IFNG: variants seen among roughly 807,000 people sequenced by gnomAD.
The protein encoded by IFNG is IFN-gamma.
In IFNG, 8 loss-of-function variants were observed where a neutral mutation model predicts 14.4. That is an observed-to-expected ratio of 0.56 (90% CI 0.33 to 1.00). IFNG has a LOEUF of 1.00. IFNG is among the 50% of genes least tolerant of loss of function. IFNG has a pLI of 0.03. For missense variants in IFNG, 132 were observed against 194.9 expected (o/e 0.68, Z 1.92); for synonymous variants, 73 against 65.4 (o/e 1.12, Z -0.56).
chr12:68,155,247 A>G lies in IFNG; in HGVS notation c.*106T>C. ...TTACACAAAAGTTGCTATTATAAAT[A>G]CTTATTTGATTGATGAGTCTAAAAA... On this transcript the variant is annotated 3_prime_UTR_variant, in exon 4 of 4. Coordinates refer to ENST00000229135, the MANE Select transcript of IFNG (RefSeq NM_000619.3). 2 of 711,292 alleles carry G rather than the reference A, an allele frequency of 2.8e-6. No individual in the cohort carries two copies. Among genetic ancestry groups the G allele is most frequent in the Non-Finnish European group, 4.2e-6 (2 of 471,718 alleles). 44.1% of individuals were successfully genotyped at this position (711,292 alleles called of 1,614,324 possible).
rs1389985864 is a variant in IFNG, at chr12:68,154,861, C to T, written c.*492G>A. ...ATTTGGGTACAGTCACAGTTGTCAA[C>T]AATATTTGGAAGCACCAGGCATGAA... is the stretch of plus-strand genomic sequence containing the variant. On this transcript the variant is annotated 3_prime_UTR_variant, in exon 4 of 4. Coordinates refer to ENST00000229135, the MANE Select transcript of IFNG (RefSeq NM_000619.3). The T allele has an allele frequency of 6.5e-6, 1 of 152,778 alleles. No individual in the cohort carries two copies. Among genetic ancestry groups the T allele is most frequent in the East Asian group, 1.9e-4 (1 of 5,338 alleles). The allele number at this position is 152,778 out of a possible 1,614,324, so 9.5% of individuals were successfully genotyped here.
intron 3 of IFNG, among the ~76,000 whole-genome samples, chr12:68,157,288 A>G (rs1443235731): frequency 6.6e-6 from 1 of 152,234 alleles, no homozygotes; most frequent in Non-Finnish European, 1.5e-5. Flanking sequence ...TAGGTTGGCT[A>G]GAGACTTGCA....
intron 3 of IFNG, among the ~76,000 whole-genome samples, chr12:68,156,054 T>C (rs1882596027): frequency 6.6e-6 from 1 of 152,202 alleles, no homozygotes; most frequent in Admixed American, 6.5e-5. Context: ...CTGTGCCCTG[T>C]GCATTCACTA....
At position 68,155,376 on chromosome 12, in the gene IFNG, G is replaced by A. The variant is rs762741705; in HGVS notation, c.478C>T (p.Arg160Ter). The A allele has an allele frequency of 3.3e-5, 53 of 1,609,462 alleles. No homozygotes were observed. Among genetic ancestry groups the A allele is most frequent in the East Asian group, 6.7e-5 (3 of 44,608 alleles). Residue 160 changes from arginine (R) to a stop codon, truncating the protein, a stop_gained, in exon 4 of 4, where the codon CGA becomes TGA. Coordinates refer to ENST00000229135, the MANE Select transcript of IFNG (RefSeq NM_000619.3). LOFTEE classifies it high-confidence loss of function. ...GKRKRSQMLF[R>*]GRRASQ The stretch of plus-strand genomic sequence containing the variant: ...CATTACTGGGATGCTCTTCGACCTC[G>A]AAACAGCATCTGACTCCTTTTTCGC...
At chr12:68,155,793 C>T (rs1168440105) in intron 3 of IFNG, among the ~76,000 whole-genome samples, 1 of 152,158 alleles carries the variant, frequency 6.6e-6, no homozygotes, top group Non-Finnish European at 1.5e-5. Flanking sequence ...GAATCTCATG[C>T]ATGCAATAAT....
At position 68,155,499 on chromosome 12, in the gene IFNG, G is replaced by C; in HGVS notation, c.367-12C>G. 1.3e-6 allele frequency: 2 copies of C among 1,587,674 alleles called. No individual in the cohort carries two copies. Among genetic ancestry groups the C allele is most frequent in the Non-Finnish European group, 1.7e-6 (2 of 1,166,702 alleles). On this transcript the variant is annotated splice_polypyrimidine_tract_variant and intron_variant, in intron 3 of 3. Coordinates refer to ENST00000229135, the MANE Select transcript of IFNG (RefSeq NM_000619.3). ...TTCAAGTCAGTTACCTATCGGGAAA[G>C]AAAAGAGCAAAATTAATTTCAGGCA... is the stretch of plus-strand genomic sequence containing the variant.
Position 68,155,506 on chromosome 12 carries a change from G to A in IFNG, c.367-19C>T, listed in dbSNP as rs745388574. Reference sequence around the variant, plus strand: ...CAGTTACCTATCGGGAAAGAAAAGAGCAAAATTAATTTCAGGCATATAAGC... The same window carrying A: ...CAGTTACCTATCGGGAAAGAAAAGAACAAAATTAATTTCAGGCATATAAGC... On this transcript the variant is annotated intron_variant, in intron 3 of 3. Coordinates refer to ENST00000229135, the MANE Select transcript of IFNG (RefSeq NM_000619.3). The A allele has an allele frequency of 5.1e-6, 8 of 1,580,112 alleles. No individual in the cohort carries two copies. Among genetic ancestry groups the A allele is most frequent in the African/African-American group, 1.4e-5 (1 of 73,550 alleles).
chr12:68,157,881 T>C, intron 3 of IFNG, 32 bp downstream of exon 3: 1 of 1,516,716 alleles, frequency 6.6e-7, no homozygotes, highest in Non-Finnish European at 9.0e-7. Context: ...CCCTCGGCAA[T>C]GAAACCAAAG....
chr12:68,159,140 G>C (rs56081548), intron 1 of IFNG, among the ~76,000 whole-genome samples: 43 of 152,024 alleles, frequency 2.8e-4, no homozygotes, highest in Non-Finnish European at 5.1e-4. Flanking sequence ...CTTGACCTTA[G>C]AGTCTGAGAA....
chr12:68,155,366 C>G lies in IFNG; in HGVS notation c.488G>C (p.Arg163Thr). ...KRSQMLFRGR[R>T]ASQ The stretch of plus-strand genomic sequence containing the variant: ...GCAGGACAACCATTACTGGGATGCT[C>G]TTCGACCTCGAAACAGCATCTGACT... Residue 163 changes from arginine (R) to threonine (T), a missense_variant, in exon 4 of 4, where the codon AGA becomes ACA. Transcript: ENST00000229135. 6.2e-7 allele frequency: 1 copy of G among 1,608,756 alleles called. No homozygotes were observed. Among genetic ancestry groups the G allele is most frequent in the Non-Finnish European group, 8.5e-7 (1 of 1,177,138 alleles).
chr12:68,157,495 T>C (rs1565725900), intron 3 of IFNG, among the ~76,000 whole-genome samples: 1 of 152,132 alleles, frequency 6.6e-6, no homozygotes, highest in Non-Finnish European at 1.5e-5. Flanking sequence ...GGTGGCTGAG[T>C]TGGGAGGAGA....
rs1428472393 is a variant in IFNG at position 68,157,958 on chromosome 12, G to A, written c.321C>T (p.Ser107=). The change falls in exon 3 of 4, where the codon AGC becomes AGT. Residue 107 remains serine, a synonymous_variant. Transcript: ENST00000229135. ...KEDMNVKFFN[S]NKKKRDDFEK... is the part of the protein sequence containing the mutation. ...CGAAGTCATCTCGTTTCTTTTTGTT[G>A]CTATTGAAAAACTTGACATTCATGT... 2 of 1,606,628 alleles carry A rather than the reference G, an allele frequency of 1.2e-6. No individual in the cohort carries two copies. Among genetic ancestry groups the A allele is most frequent in the Admixed American group, 1.7e-5 (1 of 59,556 alleles).
Position 68,155,200 on chromosome 12 carries a change from T to C in IFNG, c.*153A>G. 1 of 476,624 alleles carries C rather than the reference T, an allele frequency of 2.1e-6. No individual in the cohort carries two copies. The highest frequency in any genetic ancestry group is 3.6e-6 in the Non-Finnish European group (1 of 278,280). 29.5% of individuals were successfully genotyped at this position (476,624 alleles called of 1,614,324 possible). Reference sequence around the variant, plus strand: ...ATATAGGAATTATAAATAATACATATATTAATAGATATTCATTTTCATTAC... The same window carrying C: ...ATATAGGAATTATAAATAATACATACATTAATAGATATTCATTTTCATTAC... On this transcript the variant is annotated 3_prime_UTR_variant, in exon 4 of 4. Coordinates refer to ENST00000229135, the MANE Select transcript of IFNG (RefSeq NM_000619.3).
intron 1 of IFNG, 110 bp from the exon 2 acceptor site, chr12:68,158,369 T>C: frequency 2.8e-6 from 2 of 714,940 alleles, no homozygotes; most frequent in South Asian, 1.9e-5. Flanking sequence ...TGATTTCCTT[T>C]TCAACTCTTC....
chr12:68,157,384 G>A (rs150168623), intron 3 of IFNG, among the ~76,000 whole-genome samples: 2 of 152,190 alleles, frequency 1.3e-5, no homozygotes, highest in Admixed American at 1.3e-4. Context: ...TAGAGTTTTG[G>A]AGCAAAGAAG....
At position 68,159,627 on chromosome 12, in the gene IFNG, GA is replaced by G; in HGVS notation, c.-13del. 1 of 1,436,318 alleles carries G rather than the reference GA, an allele frequency of 7.0e-7. No individual in the cohort carries two copies. Among genetic ancestry groups the G allele is most frequent in the Non-Finnish European group, 9.7e-7 (1 of 1,025,956 alleles). 89.0% of individuals were successfully genotyped at this position (1,436,318 alleles called of 1,614,324 possible). ...CTTGTATATTTCATCGTTTCCGAGAGAATTAAGCCAAAGAAGTTGAAATCAG... is the reference window on the plus strand; with the variant it reads ...CTTGTATATTTCATCGTTTCCGAGAGATTAAGCCAAAGAAGTTGAAATCAG... On this transcript the variant is annotated 5_prime_UTR_variant, in exon 1 of 4. Coordinates refer to ENST00000229135, the MANE Select transcript of IFNG (RefSeq NM_000619.3).
intron 1 of IFNG, 114 bp from the exon 2 acceptor site, chr12:68,158,373 A>G (rs1882634245): frequency 1.4e-6 from 1 of 698,080 alleles, no homozygotes; most frequent in Admixed American, 2.8e-5. Flanking sequence ...TTCCTTTTCA[A>G]CTCTTCTGCT....
rs1226959167 is a variant in IFNG at position 68,158,174 on chromosome 12, G to A, written c.183+17C>T. ...CAAGCAACAGGAAAATTAGCCAAAT[G>A]GGAATATTCAGCTTACCTCTTTCCA... On this transcript the variant is annotated intron_variant, in intron 2 of 3. Coordinates refer to ENST00000229135, the MANE Select transcript of IFNG (RefSeq NM_000619.3). 3 of 1,601,552 alleles carry A rather than the reference G, an allele frequency of 1.9e-6. No individual in the cohort carries two copies. The highest frequency in any genetic ancestry group is 1.3e-5 in the African/African-American group (1 of 74,188).
chr12:68,158,706 CAT>C (rs1357698743), intron 1 of IFNG, among the ~76,000 whole-genome samples: 5 of 129,576 alleles, frequency 3.9e-5, no homozygotes, highest in East Asian at 4.5e-4. Flanking sequence ...TAGTTCCAAA[CAT>C]GTGCGAGTGT....
Sources: allele counts gnomAD v4.1 joint callset (sites outside exome capture counted in the v4.1 genomes callset), GRCh38; gene constraint gnomAD v4.1.1; transcripts MANE v1.5; gene names NCBI Gene and HGNC (gene_info 2026-07-23, HGNC 2026-07-21).